PCSK2: variants seen among roughly 807,000 people sequenced by gnomAD.
PCSK2 encodes the protein proprotein convertase subtilisin/kexin type 2, also known as neuroendocrine convertase 2.
A neutral mutation model predicts 69.7 loss-of-function variants in PCSK2; 14 were observed. The observed-to-expected ratio is 0.20, with a 90% confidence interval of 0.13 to 0.31. PCSK2 has a LOEUF of 0.31. Ranked by LOEUF, PCSK2 falls within the 10% of genes least tolerant of loss-of-function variation. The pLI is 1.00. For synonymous variants in PCSK2, 307 were observed against 320.7 expected (o/e 0.96, Z 0.46); for missense variants, 544 against 842.5 (o/e 0.65, Z 4.39).
Position 17,227,350 on chromosome 20 carries a change from C to G in PCSK2, c.45C>G (p.Phe15Leu), listed in dbSNP as rs1985960171. 1 of 1,614,006 alleles carries G rather than the reference C, an allele frequency of 6.2e-7. No homozygotes were observed. The highest frequency in any genetic ancestry group is 1.7e-4 in the Middle Eastern group (1 of 6,030). Residue 15 changes from phenylalanine (F) to leucine (L), a missense_variant, in exon 1 of 12, where the codon TTC becomes TTG. Phe to Leu is a conservative substitution (Grantham distance 22). This residue lies in a region of PCSK2 where 157 missense variants were observed against 155.0 expected (regional missense o/e 1.01). Transcript: ENST00000262545. ...CVSQWKAAAG[F>L]LFCVMVFASA... ...CCCAGTGGAAGGCGGCCGCCGGGTT[C>G]CTCTTCTGTGTCATGGTTTTTGCAT...
chr20:17,338,786 G>A (rs1990429933), intron 2 of PCSK2, among the ~76,000 whole-genome samples: 1 of 152,064 alleles, frequency 6.6e-6, no homozygotes. Context: ...GCTATTGGGA[G>A]GGCAAACAAA....
At chr20:17,353,649 C>A (rs1292183823) in intron 2 of PCSK2, among the ~76,000 whole-genome samples, 2 of 152,094 alleles carry the variant, frequency 1.3e-5, no homozygotes, top group Non-Finnish European at 2.9e-5. Context: ...TAGCTATATA[C>A]TCAAAGAAAA....
At chr20:17,360,089 A>G (rs1007499532) in intron 3 of PCSK2, among the ~76,000 whole-genome samples, 4 of 152,250 alleles carry the variant, frequency 2.6e-5, no homozygotes, top group Non-Finnish European at 5.9e-5. Flanking sequence ...TGCAAAAGAT[A>G]TTGTTATTTA....
chr20:17,320,070 C>A (rs565099309), intron 2 of PCSK2, among the ~76,000 whole-genome samples: 1 of 152,200 alleles, frequency 6.6e-6, no homozygotes, highest in Admixed American at 6.5e-5. Flanking sequence ...GGTAAACAAG[C>A]AGATGTAATG....
At chr20:17,440,032 C>T (rs1443733819) in intron 8 of PCSK2, among the ~76,000 whole-genome samples, 1 of 152,248 alleles carries the variant, frequency 6.6e-6, no homozygotes, top group Non-Finnish European at 1.5e-5. Flanking sequence ...CACTGCACAG[C>T]AGCAGGTCCG....
At chr20:17,421,807 TAAAAAAAAAAA>T (rs56376793) in intron 6 of PCSK2, among the ~76,000 whole-genome samples, 7,502 of 79,040 alleles carry the variant, frequency 0.095, 293 homozygotes, top group Non-Finnish European at 0.12. Flanking sequence ...GGAAGAGAGG[TAAAAAAAAAAA>T]AAAAAAAAAA....
intron 8 of PCSK2, among the ~76,000 whole-genome samples, chr20:17,452,448 A>G (rs1470095216): frequency 3.3e-5 from 5 of 152,220 alleles, no homozygotes; most frequent in Non-Finnish European, 5.9e-5. Context: ...TGAAAATGTC[A>G]CATCTGATTG....
intron 2 of PCSK2, among the ~76,000 whole-genome samples, chr20:17,308,531 A>C (rs762657848): frequency 7.2e-5 from 11 of 152,210 alleles, no homozygotes; most frequent in Non-Finnish European, 1.3e-4. Flanking sequence ...AGGACTAGAA[A>C]TAAAGCTGGG....
chr20:17,440,470 C>A (rs183793694), intron 8 of PCSK2, among the ~76,000 whole-genome samples: 1 of 152,086 alleles, frequency 6.6e-6, no homozygotes, highest in Admixed American at 6.5e-5. Context: ...ATGGGTTGGA[C>A]GGGTGGGCTG....
chr20:17,277,338 C>A (rs1186173077), intron 2 of PCSK2, among the ~76,000 whole-genome samples: 1 of 152,088 alleles, frequency 6.6e-6, no homozygotes, highest in Non-Finnish European at 1.5e-5. Context: ...GCTACAGTAA[C>A]CAAAACAGCA....
At chr20:17,377,749 T>G (rs1388108637) in intron 5 of PCSK2, among the ~76,000 whole-genome samples, 1 of 152,224 alleles carries the variant, frequency 6.6e-6, no homozygotes, top group African/African-American at 2.4e-5. Flanking sequence ...TAAAAATCAC[T>G]TTGATAGACC....
At chr20:17,422,434 T>C (rs2032152499) in intron 6 of PCSK2, among the ~76,000 whole-genome samples, 1 of 152,068 alleles carries the variant, frequency 6.6e-6, no homozygotes, top group Non-Finnish European at 1.5e-5. Context: ...ATAAATAGAG[T>C]GGCATACTAA....
intron 1 of PCSK2, among the ~76,000 whole-genome samples, chr20:17,229,541 A>G (rs1466521731): frequency 1.3e-5 from 2 of 151,762 alleles, no homozygotes; most frequent in African/African-American, 2.4e-5. Context: ...ATCAGAGATC[A>G]GATAACTAGG....
In PCSK2 at chr20:17,268,031, G is replaced by GTATA. The variant is rs750234336; in HGVS notation, c.282+7688_282+7689insATAT. Among the ~76,000 whole-genome samples, 66 of 117,952 alleles carry GTATA rather than the reference G, an allele frequency of 5.6e-4. 1 individual carries two copies. The highest frequency in any genetic ancestry group is 5.3e-3 in the Middle Eastern group (1 of 188). 77.4% of individuals were successfully genotyped at this position (117,952 alleles called of 152,430 possible). A position where few individuals can be genotyped will look rare whatever the true frequency, so the allele number is the denominator to read the frequency against. On this transcript the variant is annotated intron_variant, in intron 2 of 11. Coordinates refer to ENST00000262545, the MANE Select transcript of PCSK2 (RefSeq NM_002594.5). Reference sequence around the variant, plus strand: ...AAGGAAATGCATTTATATATCCAATGTGTATATATATATATATATATATAT... The same window carrying GTATA: ...AAGGAAATGCATTTATATATCCAATGTATATGTATATATATATATATATATATAT...
Position 17,401,507 on chromosome 20 carries a change from CAG to C in PCSK2, c.544-7755_544-7754del, listed in dbSNP as rs1491439244. Among the ~76,000 whole-genome samples, 3 of 152,146 alleles carry C rather than the reference CAG, an allele frequency of 2.0e-5. 1 individual carries two copies. The highest frequency in any genetic ancestry group is 1.9e-4 in the East Asian group (1 of 5,198). Reference sequence around the variant, plus strand: ...GACCCCACCTCTTAATACAAACACACAGGGGGTTATATGTCAACATATGAATT... The same window carrying C: ...GACCCCACCTCTTAATACAAACACACGGGGTTATATGTCAACATATGAATT... On this transcript the variant is annotated intron_variant, in intron 5 of 11. Transcript: ENST00000262545.
chr20:17,348,099 G>GAAAGAAAGAAAGA (rs1555790026), intron 2 of PCSK2, among the ~76,000 whole-genome samples: 31 of 133,082 alleles, frequency 2.3e-4, no homozygotes, highest in Non-Finnish European at 4.4e-4. Flanking sequence ...AAGAAAGAAA[G>GAAAGAAAGAAAGA]AAAGAAAAGA....
intron 5 of PCSK2, among the ~76,000 whole-genome samples, chr20:17,402,133 C>A (rs2031651939): frequency 6.6e-6 from 1 of 152,166 alleles, no homozygotes; most frequent in South Asian, 2.1e-4. Context: ...CTTAGAGCAA[C>A]TGTTTGCTCC....
intron 5 of PCSK2, among the ~76,000 whole-genome samples, chr20:17,406,866 C>T (rs2031762622): frequency 6.6e-6 from 1 of 152,160 alleles, no homozygotes; most frequent in Admixed American, 6.6e-5. Flanking sequence ...CAGAAGCGCC[C>T]TCAAGCTTCA....
intron 1 of PCSK2, among the ~76,000 whole-genome samples, chr20:17,242,501 A>G (rs894688824): frequency 3.3e-5 from 5 of 152,226 alleles, no homozygotes; most frequent in Admixed American, 6.5e-5. Flanking sequence ...CTATAGTTCT[A>G]TAGTCTAGTT....
Sources: allele counts gnomAD v4.1 joint callset (sites outside exome capture counted in the v4.1 genomes callset), GRCh38; gene constraint gnomAD v4.1.1; regional missense constraint gnomAD v4.1.1; transcripts MANE v1.5; gene names NCBI Gene and HGNC (gene_info 2026-07-23, HGNC 2026-07-21).